OR9Q1: variants seen among roughly 807,000 people sequenced by gnomAD.
OR9Q1 encodes olfactory receptor 9Q1.
For synonymous variants in OR9Q1, 153 were observed against 148.6 expected, an observed-to-expected ratio of 1.03 and a Z score of -0.22; for missense variants, 374 against 378.8, an observed-to-expected ratio of 0.99 and a Z score of 0.11.
chr11:58,175,094 A>T (rs1411770282), intron 2 of OR9Q1, among the ~76,000 whole-genome samples: 1 of 108,722 alleles, frequency 9.2e-6, no homozygotes, highest in Non-Finnish European at 1.8e-5. Flanking sequence ...CGACAGAGTG[A>T]GACTCTGTCT....
intron 1 of OR9Q1, among the ~76,000 whole-genome samples, chr11:58,035,598 G>A (rs1201320448): frequency 6.6e-6 from 1 of 152,214 alleles, no homozygotes. Flanking sequence ...AGAGGAAAAT[G>A]TTGAGCTTGG....
intron 2 of OR9Q1, among the ~76,000 whole-genome samples, chr11:58,102,843 A>G (rs1241125965): frequency 1.3e-5 from 2 of 152,084 alleles, no homozygotes; most frequent in Non-Finnish European, 2.9e-5. Flanking sequence ...TTATTTCATT[A>G]AATAAGTTTT....
At chr11:58,119,275 G>T (rs1299009391) in intron 2 of OR9Q1, 6 of 1,613,998 alleles carry the variant, frequency 3.7e-6, no homozygotes, top group Non-Finnish European at 5.1e-6. Context: ...GTACATTGGG[G>T]TGTAGAGTTT....
intron 2 of OR9Q1, among the ~76,000 whole-genome samples, chr11:58,136,277 T>C (rs755995986): frequency 1.3e-5 from 2 of 152,180 alleles, no homozygotes; most frequent in Non-Finnish European, 2.9e-5. Flanking sequence ...GAATGTTAAA[T>C]GCTAATATTG....
intron 2 of OR9Q1, among the ~76,000 whole-genome samples, chr11:58,095,495 T>C (rs957581496): frequency 2.0e-5 from 3 of 152,246 alleles, no homozygotes. Flanking sequence ...AGAGGTTTAA[T>C]TGACTCACAG....
intron 2 of OR9Q1, among the ~76,000 whole-genome samples, chr11:58,062,929 C>T (rs1853394659): frequency 6.6e-6 from 1 of 152,122 alleles, no homozygotes; most frequent in Non-Finnish European, 1.5e-5. Flanking sequence ...CTTTTGAGAG[C>T]CATGTGGGTG....
intron 2 of OR9Q1, among the ~76,000 whole-genome samples, chr11:58,136,213 T>C (rs892943464): frequency 1.3e-5 from 2 of 152,124 alleles, no homozygotes; most frequent in African/African-American, 4.8e-5. Context: ...GGGAGGTCTG[T>C]CTGGAAGTGA....
intron 2 of OR9Q1, among the ~76,000 whole-genome samples, chr11:58,083,262 A>G (rs1264034087): frequency 2.0e-5 from 3 of 152,060 alleles, no homozygotes; most frequent in Non-Finnish European, 2.9e-5. Flanking sequence ...TTTATTAAAT[A>G]GGGAATCCTT....
Position 58,023,929 on chromosome 11 carries a change from G to C in OR9Q1, c.-268G>C, listed in dbSNP as rs940659909. 2 of 152,230 alleles carry C rather than the reference G, an allele frequency of 1.3e-5. No homozygotes were observed. Among genetic ancestry groups the C allele is most frequent in the African/African-American group, 4.8e-5 (2 of 41,438 alleles). 9.4% of individuals were successfully genotyped at this position (152,230 alleles called of 1,614,324 possible). On this transcript the variant is annotated 5_prime_UTR_variant, in exon 1 of 3. Coordinates refer to ENST00000335397, the MANE Select transcript of OR9Q1 (RefSeq NM_001005212.4). Reference sequence around the variant, plus strand: ...AAGAAGTGCAGGAGGATGCCACACAGAGATGGTAGAGGGAGCGAAAGGAGC... The same window carrying C: ...AAGAAGTGCAGGAGGATGCCACACACAGATGGTAGAGGGAGCGAAAGGAGC...
chr11:58,178,284 G>A (rs763538265), intron 2 of OR9Q1, among the ~76,000 whole-genome samples: 7 of 152,150 alleles, frequency 4.6e-5, no homozygotes, highest in Non-Finnish European at 1.0e-4. Context: ...AAATATTTAA[G>A]GTGGTGGACA....
intron 2 of OR9Q1, among the ~76,000 whole-genome samples, chr11:58,113,651 G>T (rs1467084610): frequency 6.6e-6 from 1 of 152,138 alleles, no homozygotes; most frequent in African/African-American, 2.4e-5. Flanking sequence ...TTGTATAGGG[G>T]GGTAATAATA....
intron 1 of OR9Q1, among the ~76,000 whole-genome samples, chr11:58,025,009 G>C (rs1405167197): frequency 1.3e-5 from 2 of 152,170 alleles, no homozygotes; most frequent in Non-Finnish European, 2.9e-5. Flanking sequence ...TCTTGCCCAA[G>C]TTTACTTACT....
chr11:58,055,705 T>A (rs1183588836), intron 1 of OR9Q1, among the ~76,000 whole-genome samples, 165 bp from the exon 2 acceptor site: 1 of 150,304 alleles, frequency 6.7e-6, no homozygotes, highest in Non-Finnish European at 1.5e-5. Context: ...GAGGCTGAGG[T>A]AGGAGGATTG....
At chr11:58,128,790 C>T (rs980602316) in intron 2 of OR9Q1, among the ~76,000 whole-genome samples, 25 of 152,018 alleles carry the variant, frequency 1.6e-4, no homozygotes, top group Admixed American at 9.2e-4. Flanking sequence ...TATGTCAAAA[C>T]ATCGCATAAA....
At chr11:58,032,251 A>C (rs1053711905) in intron 1 of OR9Q1, among the ~76,000 whole-genome samples, 1 of 152,224 alleles carries the variant, frequency 6.6e-6, no homozygotes, top group African/African-American at 2.4e-5. Context: ...GAATTAGAAA[A>C]AACAATTCTA....
chr11:58,141,466 A>G (rs1854248173), intron 2 of OR9Q1, among the ~76,000 whole-genome samples: 1 of 152,114 alleles, frequency 6.6e-6, no homozygotes, highest in Non-Finnish European at 1.5e-5. Context: ...TTCTGCATCT[A>G]TTGAGATAAT....
At chr11:58,121,943 G>C (rs926836619) in intron 2 of OR9Q1, among the ~76,000 whole-genome samples, 10 of 152,266 alleles carry the variant, frequency 6.6e-5, no homozygotes, top group African/African-American at 2.4e-4. Context: ...AGAGGTTAAT[G>C]ACTTGTCCAA....
intron 2 of OR9Q1, among the ~76,000 whole-genome samples, chr11:58,142,259 A>G (rs760638064): frequency 5.3e-5 from 8 of 152,150 alleles, no homozygotes; most frequent in Non-Finnish European, 8.8e-5. Context: ...AGGCTCCACG[A>G]GAATGAGCAT....
intron 2 of OR9Q1, among the ~76,000 whole-genome samples, chr11:58,174,573 T>A (rs1009748032): frequency 6.6e-6 from 1 of 151,266 alleles, no homozygotes; most frequent in Admixed American, 6.6e-5. Flanking sequence ...CTTCAAAAAA[T>A]TTTCTAGTAA....
Sources: gnomAD v4.1 joint callset for allele counts (sites outside exome capture counted in the v4.1 genomes callset) on GRCh38, gnomAD v4.1.1 for gene constraint, MANE v1.5 for transcripts, NCBI Gene and HGNC (gene_info 2026-07-23, HGNC 2026-07-21) for gene names.